Variants in TRPM3 observed in about 807,000 individuals in gnomAD.
The protein encoded by TRPM3 is long transient receptor potential channel 3.
Under a neutral mutation model 181.2 loss-of-function variants are expected in TRPM3, and 77 were observed. The observed-to-expected ratio is 0.42, with a 90% CI of 0.35 to 0.51. TRPM3 has a LOEUF of 0.51. TRPM3 is among the 20% of genes least tolerant of loss of function. TRPM3 has a pLI of 0.01. For synonymous variants in TRPM3, 745 were observed against 796.4 expected, an observed-to-expected ratio of 0.94 and a Z score of 1.09; for missense variants, 1,759 against 2,196.7, an observed-to-expected ratio of 0.80 and a Z score of 3.98.
intron 1 of TRPM3, among the ~76,000 whole-genome samples, chr9:70,998,877 T>G (rs986222707): frequency 2.6e-5 from 4 of 152,224 alleles, no homozygotes; most frequent in Non-Finnish European, 5.9e-5. Context: ...AACTTTTACT[T>G]TCTCCTCTCT....
chr9:71,002,548 CTT>C (rs1190372489), intron 1 of TRPM3, among the ~76,000 whole-genome samples: 4 of 152,150 alleles, frequency 2.6e-5, no homozygotes, highest in African/African-American at 9.7e-5. Flanking sequence ...TCCTTTGACT[CTT>C]TTCTCCTTCC....
intron 6 of TRPM3, among the ~76,000 whole-genome samples, chr9:70,806,047 C>A (rs138235249): frequency 2.0e-5 from 3 of 152,270 alleles, no homozygotes; most frequent in Non-Finnish European, 2.9e-5. Context: ...TGTTTTTTCA[C>A]CCTGCCTCGT....
chr9:71,284,772 A>T, intron 1 of TRPM3, among the ~76,000 whole-genome samples: 1 of 152,224 alleles, frequency 6.6e-6, no homozygotes, highest in East Asian at 1.9e-4. Context: ...AGACTAATGT[A>T]TTCTACATTA....
chr9:70,593,317 A>T (rs760322777), intron 21 of TRPM3, among the ~76,000 whole-genome samples: 14 of 152,194 alleles, frequency 9.2e-5, no homozygotes, highest in Non-Finnish European at 1.3e-4. Flanking sequence ...TTTTATAGAA[A>T]ACATGGGTCT....
chr9:70,884,169 C>T (rs1006737414), intron 1 of TRPM3, among the ~76,000 whole-genome samples: 1 of 152,132 alleles, frequency 6.6e-6, no homozygotes. Context: ...ATAACAATCC[C>T]TTCCAGGGAC....
chr9:71,011,782 G>GTTTTTTTTTTTTTTT (rs1246219196), intron 1 of TRPM3, among the ~76,000 whole-genome samples: 2 of 93,238 alleles, frequency 2.1e-5, no homozygotes, highest in South Asian at 3.8e-4. Context: ...TTTTTTTTTT[G>GTTTTTTTTTTTTTTT]TTTTTTTGTT....
intron 1 of TRPM3, among the ~76,000 whole-genome samples, chr9:71,140,522 A>G (rs187807696): frequency 1.3e-5 from 2 of 152,212 alleles, no homozygotes; most frequent in Admixed American, 1.3e-4. Context: ...ACACCTCCCC[A>G]AGTTTGGTCA....
rs367845325 is a variant in TRPM3, at chr9:70,597,537, A to C, written c.3048+882T>G. ...TCAGGCTCTGATTCTTCCTCTAGTG[A>C]GTTTTGAGAGGGAGCTTGTTTACTG... On this transcript the variant is annotated intron_variant, in intron 21 of 25. Coordinates refer to ENST00000677713, the MANE Select transcript of TRPM3 (RefSeq NM_001366145.2). Among the ~76,000 whole-genome samples the C allele has an allele frequency of 6.4e-4, 97 of 152,230 alleles. 1 individual carries two copies. The highest frequency in any genetic ancestry group is 2.2e-3 in the African/African-American group (90 of 41,542).
At chr9:71,128,289 C>T (rs1413303519) in intron 1 of TRPM3, among the ~76,000 whole-genome samples, 1 of 152,186 alleles carries the variant, frequency 6.6e-6, no homozygotes, top group Non-Finnish European at 1.5e-5. Context: ...ATATAAGCAG[C>T]TTCCACCTTA....
intron 16 of TRPM3, 38 bp from the exon 17 acceptor site, chr9:70,619,133 G>T (rs374699908): frequency 3.5e-4 from 546 of 1,565,328 alleles, no homozygotes; most frequent in Non-Finnish European, 4.5e-4. Flanking sequence ...CTTCAGGTCA[G>T]CTTGGAGACT....
At chr9:70,647,176 C>G (rs1180594132) in intron 9 of TRPM3, among the ~76,000 whole-genome samples, 1 of 152,066 alleles carries the variant, frequency 6.6e-6, no homozygotes, top group Admixed American at 6.6e-5. Context: ...AATGATGCTT[C>G]CTTAACTCAT....
chr9:70,798,911 G>C (rs2088029371), intron 6 of TRPM3, among the ~76,000 whole-genome samples: 1 of 152,180 alleles, frequency 6.6e-6, no homozygotes, highest in Admixed American at 6.5e-5. Context: ...CCTTGGGTGG[G>C]TGTTTCCATT....
At chr9:70,954,793 G>A (rs929420847) in intron 1 of TRPM3, among the ~76,000 whole-genome samples, 2 of 149,610 alleles carry the variant, frequency 1.3e-5, no homozygotes, top group East Asian at 2.0e-4. Flanking sequence ...ATACATCCTC[G>A]GGGAGAAGGC....
chr9:70,549,508 A>AC, intron 25 of TRPM3, 34 bp downstream of exon 25: 1 of 1,590,532 alleles, frequency 6.3e-7, no homozygotes. Flanking sequence ...TTGGCACAAC[A>AC]CATCTGCAGG....
chr9:70,611,917 C>T (rs1340836607), intron 18 of TRPM3, among the ~76,000 whole-genome samples: 4 of 152,188 alleles, frequency 2.6e-5, no homozygotes, highest in Non-Finnish European at 5.9e-5. Context: ...GAAAGAGTTC[C>T]AGGCCCTGGG....
intron 1 of TRPM3, among the ~76,000 whole-genome samples, chr9:70,951,381 G>A (rs7043058): frequency 0.19 from 28,526 of 152,024 alleles, 2,779 homozygotes; most frequent in East Asian, 0.29. Flanking sequence ...TTGCTTTGTT[G>A]CCTGGGCTGG....
intron 1 of TRPM3, among the ~76,000 whole-genome samples, chr9:71,146,692 G>A (rs548803038): frequency 3.3e-5 from 5 of 152,200 alleles, no homozygotes; most frequent in African/African-American, 7.2e-5. Context: ...TGCCCTAGAC[G>A]CCATTACTGG....
At chr9:70,620,446 C>T in intron 15 of TRPM3, 81 bp from the exon 16 acceptor site, 2 of 1,451,350 alleles carry the variant, frequency 1.4e-6, no homozygotes, top group Non-Finnish European at 1.9e-6. Context: ...ATATCTTCTC[C>T]CAGCTAGCTC....
chr9:70,546,819 A>G (rs1461597057), intron 25 of TRPM3, among the ~76,000 whole-genome samples: 1 of 152,160 alleles, frequency 6.6e-6, no homozygotes, highest in Non-Finnish European at 1.5e-5. Context: ...TATATTCTAG[A>G]ATTGTATTGC....
Sources: allele counts gnomAD v4.1 joint callset (sites outside exome capture counted in the v4.1 genomes callset), GRCh38; gene constraint gnomAD v4.1.1; transcripts MANE v1.5; gene names NCBI Gene and HGNC (gene_info 2026-07-23, HGNC 2026-07-21).